The following ABCB11 variants were observed in gnomAD, a reference collection of about 807,000 sequenced individuals.
ABCB11 encodes bile salt export pump.
Under a neutral mutation model 148.0 loss-of-function variants are expected in ABCB11, and 95 were observed. The observed-to-expected ratio is 0.64, with a 90% CI of 0.54 to 0.76. The LOEUF (loss-of-function observed/expected upper bound fraction) is 0.76, where lower values mean the gene tolerates loss of function less well. ABCB11 is among the 30% of genes least tolerant of loss of function. ABCB11 has a pLI of 0.00. For missense variants in ABCB11, 1,523 were observed against 1,617.8 expected (o/e 0.94, Z 1.01); for synonymous variants, 591 against 555.4 (o/e 1.06, Z -0.90).
At chr2:168,943,300 T>C (rs897758508) in intron 21 of ABCB11, among the ~76,000 whole-genome samples, 2 of 151,962 alleles carry the variant, frequency 1.3e-5, no homozygotes, top group African/African-American at 4.8e-5. Context: ...AGTTATGCAA[T>C]GCATATCAAA....
At chr2:169,000,906 C>T (rs1694850945) in intron 5 of ABCB11, among the ~76,000 whole-genome samples, 1 of 151,986 alleles carries the variant, frequency 6.6e-6, no homozygotes, top group Non-Finnish European at 1.5e-5. Flanking sequence ...TTTGCTTTCT[C>T]TTACCTTCCT....
Position 168,923,715 on chromosome 2 carries a change from C to T in ABCB11, c.3873G>A (p.Gln1291=), listed in dbSNP as rs1346785729. 2 of 1,613,880 alleles carry T rather than the reference C, an allele frequency of 1.2e-6. No homozygotes were observed. Among genetic ancestry groups the T allele is most frequent in the Non-Finnish European group, 8.5e-7 (1 of 1,179,864 alleles). The part of the protein sequence containing the change: ...QNADIIAVMA[Q]GVVIEKGTHE... ...GGGTCCCCTTTTCAATCACCACCCCCTGTGCCATGACAGCAATGATATCCG... is the reference window on the plus strand; with the variant it reads ...GGGTCCCCTTTTCAATCACCACCCCTTGTGCCATGACAGCAATGATATCCG... The change falls in exon 28 of 28, where the codon CAG becomes CAA. Residue 1291 remains glutamine, a synonymous_variant. Transcript: ENST00000650372.
At chr2:169,008,132 C>T (rs1695077413) in intron 5 of ABCB11, among the ~76,000 whole-genome samples, 1 of 152,102 alleles carries the variant, frequency 6.6e-6, no homozygotes, top group African/African-American at 2.4e-5. Context: ...ACTTCCTGCT[C>T]CCTAGGATGG....
chr2:168,960,140 A>C (rs1382572213), intron 18 of ABCB11, among the ~76,000 whole-genome samples: 1 of 151,646 alleles, frequency 6.6e-6, no homozygotes, highest in Non-Finnish European at 1.5e-5. Context: ...TTAAAAAACC[A>C]GATTCCTGTA....
intron 17 of ABCB11, among the ~76,000 whole-genome samples, chr2:168,965,290 C>G (rs1163658419): frequency 6.6e-6 from 1 of 151,716 alleles, no homozygotes; most frequent in Non-Finnish European, 1.5e-5. Flanking sequence ...GGTTCAGACT[C>G]CACCCTCCTC....
rs761317411 is a variant in ABCB11, at chr2:168,969,402, T to C, written c.1959A>G (p.Leu653=). Residue 653 remains leucine (L), a synonymous_variant, in exon 16 of 28, where the codon CTA becomes CTG. Coordinates refer to ENST00000650372, the MANE Select transcript of ABCB11 (RefSeq NM_003742.4). The part of the protein sequence containing the change: ...LLERKGVYFT[L]VTLQSQGNQA... ...GATTTCCCTGGCTTTGCAAAGTCACTAGAGTGAAGTAAACACCTTTCCTTT... is the reference window on the plus strand; with the variant it reads ...GATTTCCCTGGCTTTGCAAAGTCACCAGAGTGAAGTAAACACCTTTCCTTT... 4 of 1,612,522 alleles carry C rather than the reference T, an allele frequency of 2.5e-6. No individual in the cohort carries two copies. Among genetic ancestry groups the C allele is most frequent in the Non-Finnish European group, 3.4e-6 (4 of 1,179,270 alleles).
chr2:168,975,814 T>C (rs940900349), intron 12 of ABCB11, among the ~76,000 whole-genome samples: 4 of 149,040 alleles, frequency 2.7e-5, no homozygotes, highest in Admixed American at 6.8e-5. Flanking sequence ...ATATATCACA[T>C]ATATATATGA....
rs558960417 is a variant in ABCB11 at position 168,922,292 on chromosome 2, C to T, written c.*1330G>A. 2.4e-4 allele frequency among the ~76,000 whole-genome samples: 37 copies of T among 152,202 alleles called. No individual in the cohort carries two copies. The highest frequency in any genetic ancestry group is 5.3e-4 in the Non-Finnish European group (36 of 68,038). ...TCTTGTATGTTAGCTGCCCCTTCAA[C>T]TTCATCTTGTGTCTCTAAGTGCAAA... On this transcript the variant is annotated 3_prime_UTR_variant, in exon 28 of 28. Coordinates refer to ENST00000650372, the MANE Select transcript of ABCB11 (RefSeq NM_003742.4).
chr2:169,021,343 C>T (rs1047169540), intron 1 of ABCB11, among the ~76,000 whole-genome samples: 6 of 151,648 alleles, frequency 4.0e-5, no homozygotes, highest in Admixed American at 1.3e-4. Context: ...GAAAAGGATA[C>T]GTCATGCAAA....
intron 14 of ABCB11, 127 bp from the exon 15 acceptor site, chr2:168,970,342 C>T: frequency 6.5e-7 from 1 of 1,539,670 alleles, no homozygotes; most frequent in Non-Finnish European, 8.7e-7. Flanking sequence ...CCGACTTCCA[C>T]TGAAAGAAAT....
intron 23 of ABCB11, among the ~76,000 whole-genome samples, chr2:168,934,459 C>T (rs1691726779): frequency 6.6e-6 from 1 of 152,164 alleles, no homozygotes; most frequent in African/African-American, 2.4e-5. Flanking sequence ...AGGCTTTCAC[C>T]TCTGGAAATG....
Position 168,922,685 on chromosome 2 carries a change from GC to G in ABCB11, c.*936del, listed in dbSNP as rs1559172276. On this transcript the variant is annotated 3_prime_UTR_variant, in exon 28 of 28. Transcript: ENST00000650372. ...TTCTTCATTCTTGTAGATTCCTGCC[GC>G]CTTTAGTTCTATGTCATTCTGTGGT... Among the ~76,000 whole-genome samples, 1 of 152,066 alleles carries G rather than the reference GC, an allele frequency of 6.6e-6. No individual in the cohort carries two copies. The highest frequency in any genetic ancestry group is 6.5e-5 in the Admixed American group (1 of 15,272).
At chr2:169,002,141 C>T (rs1694895009) in intron 5 of ABCB11, among the ~76,000 whole-genome samples, 1 of 152,042 alleles carries the variant, frequency 6.6e-6, no homozygotes, top group Non-Finnish European at 1.5e-5. Context: ...ACAAAATGGA[C>T]TTTAAAAACT....
At chr2:168,943,840 T>C (rs1200716727) in intron 21 of ABCB11, among the ~76,000 whole-genome samples, 2 of 152,068 alleles carry the variant, frequency 1.3e-5, no homozygotes, top group African/African-American at 4.8e-5. Context: ...TTTAAAATTG[T>C]ACTTAAAATT....
intron 18 of ABCB11, 71 bp downstream of exon 18, chr2:168,964,135 G>T: frequency 5.1e-6 from 6 of 1,166,148 alleles, no homozygotes; most frequent in Non-Finnish European, 6.3e-6. Flanking sequence ...ATATTCTCAG[G>T]CTTAAAGGGT....
intron 14 of ABCB11, 71 bp downstream of exon 14, chr2:168,971,776 T>C (rs1693586383): frequency 7.3e-7 from 1 of 1,376,964 alleles, no homozygotes; most frequent in African/African-American, 1.4e-5. Context: ...AGAAGAAATG[T>C]GTATAATTGT....
chr2:168,993,515 T>G (rs774635615), intron 8 of ABCB11, among the ~76,000 whole-genome samples, 196 bp downstream of exon 8: 35 of 152,074 alleles, frequency 2.3e-4, no homozygotes, highest in Non-Finnish European at 5.0e-4. Context: ...TAAAACAATA[T>G]TTACCTATTA....
chr2:168,981,251 G>T (rs1488050358), intron 10 of ABCB11, among the ~76,000 whole-genome samples: 1 of 152,056 alleles, frequency 6.6e-6, no homozygotes, highest in African/African-American at 2.4e-5. Flanking sequence ...CCACACATTA[G>T]GATGATTAAC....
In ABCB11 at chr2:168,920,798, AAT is replaced by A. The variant is rs1165089633; in HGVS notation, c.*2822_*2823del. On this transcript the variant is annotated 3_prime_UTR_variant, in exon 28 of 28. Coordinates refer to ENST00000650372, the MANE Select transcript of ABCB11 (RefSeq NM_003742.4). ...CCCTGGTGTTGTAAAATAAACATGC[AAT>A]GTTATTTATTTATTCATTTTTGAAG... Among the ~76,000 whole-genome samples, 1 of 152,156 alleles carries A rather than the reference AAT, an allele frequency of 6.6e-6. No homozygotes were observed. Among genetic ancestry groups the A allele is most frequent in the Non-Finnish European group, 1.5e-5 (1 of 68,026 alleles).
Sources: allele counts gnomAD v4.1 joint callset (sites outside exome capture counted in the v4.1 genomes callset), GRCh38; gene constraint gnomAD v4.1.1; transcripts MANE v1.5; gene names NCBI Gene and HGNC (gene_info 2026-07-23, HGNC 2026-07-21).